The following NALCN variants were observed in gnomAD, a reference collection of about 807,000 sequenced individuals.
NALCN encodes the protein sodium leak channel NALCN.
In NALCN, 111 loss-of-function variants were observed where a neutral mutation model predicts 225.3. The observed-to-expected ratio is 0.49, with a 90% CI of 0.42 to 0.58. NALCN has a LOEUF of 0.58. NALCN is among the 20% of genes least tolerant of loss of function. The pLI is 0.00. For synonymous variants in NALCN, 764 were observed against 769.0 expected (o/e 0.99, Z 0.11); for missense variants, 1,378 against 2,202.4 (o/e 0.63, Z 7.49).
At position 101,290,350 on chromosome 13, in the gene NALCN, T is replaced by C. The variant is rs1594613063; in HGVS notation, c.1047+1640A>G. Reference sequence around the variant, plus strand: ...GCATGTGAGTTAAGGGCTGAGATCATAGTTCCATATTCCATTTAGGTCTCA... The same window carrying C: ...GCATGTGAGTTAAGGGCTGAGATCACAGTTCCATATTCCATTTAGGTCTCA... On this transcript the variant is annotated intron_variant, in intron 9 of 43. Coordinates refer to ENST00000251127, the MANE Select transcript of NALCN (RefSeq NM_052867.4). Among the ~76,000 whole-genome samples the C allele has an allele frequency of 7.2e-5, 11 of 152,352 alleles. No individual in the cohort carries two copies. The South Asian group carries it at 2.3e-3, about 32-fold the overall frequency.
chr13:101,373,446 A>G (rs948940614), intron 6 of NALCN, among the ~76,000 whole-genome samples: 2 of 152,208 alleles, frequency 1.3e-5, no homozygotes, highest in South Asian at 2.1e-4. Flanking sequence ...ATGTATAAAG[A>G]GGAATACAAT....
chr13:101,323,876 G>C (rs1247711143), intron 7 of NALCN, among the ~76,000 whole-genome samples: 1 of 152,078 alleles, frequency 6.6e-6, no homozygotes, highest in Non-Finnish European at 1.5e-5. Flanking sequence ...GGAAAATAAG[G>C]TATTTTTTCA....
chr13:101,143,077 T>G lies in NALCN; in HGVS notation c.2118+3A>C. On this transcript the variant is annotated splice_donor_region_variant and intron_variant, in intron 17 of 43. Coordinates refer to ENST00000251127, the MANE Select transcript of NALCN (RefSeq NM_052867.4). The stretch of plus-strand genomic sequence containing the variant: ...CCTGGTTATTCGAAACAGCAGATCT[T>G]ACTTTTTGGTCGATGTATTTGTTGT... 1 of 1,614,166 alleles carries G rather than the reference T, an allele frequency of 6.2e-7. No homozygotes were observed. Among genetic ancestry groups the G allele is most frequent in the Non-Finnish European group, 8.5e-7 (1 of 1,179,998 alleles).
intron 6 of NALCN, among the ~76,000 whole-genome samples, chr13:101,351,597 T>G (rs1286867682): frequency 6.6e-6 from 1 of 152,286 alleles, no homozygotes; most frequent in East Asian, 1.9e-4. Context: ...GATGATCATC[T>G]CAGTTCGGTG....
chr13:101,342,532 A>G (rs1008719277), intron 7 of NALCN, among the ~76,000 whole-genome samples: 5 of 152,094 alleles, frequency 3.3e-5, no homozygotes, highest in African/African-American at 1.2e-4. Flanking sequence ...CCCTGACTCA[A>G]ATATGAGACA....
At chr13:101,302,890 G>A (rs1022574021) in intron 7 of NALCN, among the ~76,000 whole-genome samples, 5 of 151,746 alleles carry the variant, frequency 3.3e-5, no homozygotes, top group Admixed American at 1.3e-4. Flanking sequence ...AACTGGTTTA[G>A]GTTTTTTTTT....
intron 26 of NALCN, among the ~76,000 whole-genome samples, chr13:101,101,906 CA>C (rs2139602412): frequency 6.6e-6 from 1 of 152,282 alleles, no homozygotes; most frequent in East Asian, 1.9e-4. Flanking sequence ...TATTATTGAT[CA>C]AAAGATTCAT....
At chr13:101,245,522 T>G (rs1050167974) in intron 11 of NALCN, among the ~76,000 whole-genome samples, 1 of 152,154 alleles carries the variant, frequency 6.6e-6, no homozygotes, top group East Asian at 1.9e-4. Flanking sequence ...CTTTGGTTAT[T>G]TGGTCTACAA....
intron 17 of NALCN, among the ~76,000 whole-genome samples, chr13:101,127,365 G>C (rs557688514): frequency 6.6e-6 from 1 of 152,156 alleles, no homozygotes; most frequent in African/African-American, 2.4e-5. Context: ...CTTTTGTTTT[G>C]TTTTGTTTTT....
intron 7 of NALCN, among the ~76,000 whole-genome samples, chr13:101,342,800 G>A (rs2045599407): frequency 6.6e-6 from 1 of 152,036 alleles, no homozygotes; most frequent in Non-Finnish European, 1.5e-5. Context: ...TACAACAGGG[G>A]TTCCTTGTAA....
intron 3 of NALCN, 68 bp downstream of exon 3, chr13:101,395,115 T>C: frequency 7.0e-7 from 1 of 1,423,564 alleles, no homozygotes; most frequent in Non-Finnish European, 9.4e-7. Flanking sequence ...AACAAGAAAA[T>C]ATGATTAAAG....
intron 13 of NALCN, among the ~76,000 whole-genome samples, chr13:101,211,193 A>G (rs2181789): frequency 0.24 from 37,052 of 152,078 alleles, 4,658 homozygotes; most frequent in East Asian, 0.37. Context: ...TATTTTTAAA[A>G]TTTGAACAAT....
At chr13:101,065,094 G>T (rs1005573991) in intron 40 of NALCN, among the ~76,000 whole-genome samples, 1 of 152,156 alleles carries the variant, frequency 6.6e-6, no homozygotes, top group African/African-American at 2.4e-5. Flanking sequence ...ACAGGGAAGG[G>T]GTGGGACTGT....
chr13:101,189,781 T>C (rs2039608365), intron 14 of NALCN, among the ~76,000 whole-genome samples: 1 of 152,220 alleles, frequency 6.6e-6, no homozygotes, highest in Non-Finnish European at 1.5e-5. Context: ...AACTTATAAC[T>C]GTTGTTTGAA....
At chr13:101,256,384 C>T (rs938948314) in intron 11 of NALCN, among the ~76,000 whole-genome samples, 2 of 152,140 alleles carry the variant, frequency 1.3e-5, no homozygotes, top group African/African-American at 4.8e-5. Flanking sequence ...TCCATCTTTT[C>T]CCCTTGTTTC....
At chr13:101,411,676 T>C (rs1424031543) in intron 1 of NALCN, among the ~76,000 whole-genome samples, 1 of 152,210 alleles carries the variant, frequency 6.6e-6, no homozygotes, top group Non-Finnish European at 1.5e-5. Flanking sequence ...GTGCATACTA[T>C]AATGCTCTGA....
chr13:101,181,280 G>T (rs1035889585), intron 14 of NALCN: 1 of 518,850 alleles, frequency 1.9e-6, no homozygotes, highest in African/African-American at 1.9e-5. Context: ...GGCTGGAGAG[G>T]AAGGCAGGAT....
chr13:101,249,414 C>A (rs2041997245), intron 11 of NALCN, among the ~76,000 whole-genome samples: 1 of 152,124 alleles, frequency 6.6e-6, no homozygotes, highest in Admixed American at 6.6e-5. Context: ...AAAAATATGT[C>A]TATTCCATTT....
In NALCN at chr13:101,082,900, A is replaced by C. The variant is rs375249525; in HGVS notation, c.3691-17T>G. ...GACGTCCCACTGCAACAGAAACAGCACACGAGTCGTTGCCCACGTCCATCG... is the reference window on the plus strand; with the variant it reads ...GACGTCCCACTGCAACAGAAACAGCCCACGAGTCGTTGCCCACGTCCATCG... On this transcript the variant is annotated splice_polypyrimidine_tract_variant and intron_variant, in intron 32 of 43. Coordinates refer to ENST00000251127, the MANE Select transcript of NALCN (RefSeq NM_052867.4). 1 of 1,613,846 alleles carries C rather than the reference A, an allele frequency of 6.2e-7. No individual in the cohort carries two copies. Among genetic ancestry groups the C allele is most frequent in the Non-Finnish European group, 8.5e-7 (1 of 1,179,832 alleles).
Sources: gnomAD v4.1 joint callset for allele counts (sites outside exome capture counted in the v4.1 genomes callset) on GRCh38, gnomAD v4.1.1 for gene constraint, MANE v1.5 for transcripts, NCBI Gene and HGNC (gene_info 2026-07-23, HGNC 2026-07-21) for gene names.